The following ZMYM6 variants were observed in gnomAD, a reference collection of about 807,000 sequenced individuals.
ZMYM6 encodes zinc finger MYM-type protein 6.
ZMYM6 carries 90 observed loss-of-function variants against 134.0 expected under a neutral mutation model. That is an observed-to-expected ratio of 0.67 (90% CI 0.57 to 0.80). ZMYM6 has a LOEUF of 0.80. Ranked by LOEUF, ZMYM6 falls within the 30% of genes least tolerant of loss-of-function variation. The pLI, the probability that ZMYM6 is intolerant of heterozygous loss-of-function variation, is 0.00. For synonymous variants in ZMYM6, 481 were observed against 524.1 expected, an observed-to-expected ratio of 0.92 and a Z score of 1.12; for missense variants, 1,362 against 1,533.9, an observed-to-expected ratio of 0.89 and a Z score of 1.87.
At chr1:35,027,446 C>T (rs1177685884) in intron 2 of ZMYM6, among the ~76,000 whole-genome samples, 1 of 152,032 alleles carries the variant, frequency 6.6e-6, no homozygotes, top group Non-Finnish European at 1.5e-5. Flanking sequence ...TATAAAAGTC[C>T]AAATGAAAAA....
chr1:35,021,348 T>C (rs1641306339), intron 2 of ZMYM6, among the ~76,000 whole-genome samples: 1 of 152,074 alleles, frequency 6.6e-6, no homozygotes, highest in South Asian at 2.1e-4. Flanking sequence ...TTTTGCTATG[T>C]TAGCCAGGCT....
At chr1:34,995,007 A>G (rs1032565072) in intron 14 of ZMYM6, among the ~76,000 whole-genome samples, 7 of 114,670 alleles carry the variant, frequency 6.1e-5, no homozygotes, top group Non-Finnish European at 6.0e-5. Flanking sequence ...ATATGTATAC[A>G]TATATACTTA....
intron 12 of ZMYM6, among the ~76,000 whole-genome samples, chr1:35,005,921 C>G (rs948559554): frequency 6.6e-6 from 1 of 152,180 alleles, no homozygotes; most frequent in Non-Finnish European, 1.5e-5. Context: ...AATAAGACTG[C>G]AGAGGTAGGC....
chr1:34,999,995 C>G (rs1032779614), intron 14 of ZMYM6, among the ~76,000 whole-genome samples: 1 of 152,112 alleles, frequency 6.6e-6, no homozygotes, highest in Non-Finnish European at 1.5e-5. Flanking sequence ...ATGGTGTGAT[C>G]TCAGCTCACC....
At chr1:35,001,959 G>A in intron 14 of ZMYM6, among the ~76,000 whole-genome samples, 1 of 152,156 alleles carries the variant, frequency 6.6e-6, no homozygotes, top group East Asian at 1.9e-4. Flanking sequence ...AGGATTTCTT[G>A]GTATGCAGAC....
At chr1:34,998,097 GGT>G (rs1640814576) in intron 14 of ZMYM6, among the ~76,000 whole-genome samples, 1 of 152,050 alleles carries the variant, frequency 6.6e-6, no homozygotes, top group Non-Finnish European at 1.5e-5. Context: ...TGGCCAAGAT[GGT>G]GAAACCCTGT....
At chr1:35,026,839 C>CTAGG (rs1187824003) in intron 2 of ZMYM6, among the ~76,000 whole-genome samples, 4 of 152,070 alleles carry the variant, frequency 2.6e-5, no homozygotes, top group Non-Finnish European at 5.9e-5. Context: ...AAATCCTGTG[C>CTAGG]TAGGAATTGG....
chr1:35,015,002 G>C lies in ZMYM6; in HGVS notation c.589C>G (p.Gln197Glu), dbSNP rs147071748. 1 of 1,611,974 alleles carries C rather than the reference G, an allele frequency of 6.2e-7. No homozygotes were observed. Among genetic ancestry groups the C allele is most frequent in the East Asian group, 2.2e-5 (1 of 44,860 alleles). ...KSISTKCSMC[Q>E]KNADTRFEVK... Reference sequence around the variant, plus strand: ...ATGTAACTTACATCAGCATTCTTCTGACACATACTGCACTTAGTTGAAATG... The same window carrying C: ...ATGTAACTTACATCAGCATTCTTCTCACACATACTGCACTTAGTTGAAATG... Residue 197 changes from glutamine to glutamate, a missense_variant, in exon 5 of 16, where the codon CAG becomes GAG. By Grantham distance (29) the Gln-to-Glu change is conservative (BLOSUM62 2). Around this residue, in one of 3 missense-constraint regions of ZMYM6, gnomAD observed 503 missense variants for 520.8 expected, o/e 0.97. Transcript: ENST00000357182.
At chr1:35,015,743 A>AAAAAAAAAAAAAATATATATAT in intron 4 of ZMYM6, among the ~76,000 whole-genome samples, 5 of 106,466 alleles carry the variant, frequency 4.7e-5, no homozygotes, top group African/African-American at 3.3e-4. Flanking sequence ...AAAAAAAAAA[A>AAAAAAAAAAAAAATATATATAT]ATATATATAT....
rs781152063 is a variant in ZMYM6 at position 35,015,174 on chromosome 1, T to A, written c.429-12A>T. 6.4e-7 allele frequency: 1 copy of A among 1,572,094 alleles called. No individual in the cohort carries two copies. Among genetic ancestry groups the A allele is most frequent in the Admixed American group, 2.1e-5 (1 of 48,464 alleles). ...GATTTAAAATGTCTCTAAAAATAAA[T>A]AACAAAGGTAAAAATGAAATGTATT... On this transcript the variant is annotated splice_polypyrimidine_tract_variant and intron_variant, in intron 4 of 15. Coordinates refer to ENST00000357182, the MANE Select transcript of ZMYM6 (RefSeq NM_007167.4).
chr1:35,001,038 A>G (rs1640871226), intron 14 of ZMYM6, among the ~76,000 whole-genome samples: 1 of 152,202 alleles, frequency 6.6e-6, no homozygotes, highest in Non-Finnish European at 1.5e-5. Context: ...GCTTTTCACT[A>G]CAATGGCAGA....
At chr1:35,012,067 T>C (rs1216514249) in intron 7 of ZMYM6, 62 bp from the exon 8 acceptor site, 1 of 1,031,956 alleles carries the variant, frequency 9.7e-7, no homozygotes, top group Non-Finnish European at 1.4e-6. Context: ...AATACAAAAA[T>C]GTATTGGGAG....
chr1:34,991,743 C>A (rs975819167), intron 15 of ZMYM6, among the ~76,000 whole-genome samples: 1 of 152,036 alleles, frequency 6.6e-6, no homozygotes, highest in Non-Finnish European at 1.5e-5. Context: ...GCACTCCAGC[C>A]TGGGCAACAA....
rs139038334 is a variant in ZMYM6, at chr1:35,002,944, G to A, written c.1992+1024C>T. ...TCACAACAGCTTGGGAGGTTGAGGC[G>A]GGAGGATCACTTGAGGCTAGGAGTT... On this transcript the variant is annotated intron_variant, in intron 14 of 15. Transcript: ENST00000357182. 3.3e-3 allele frequency among the ~76,000 whole-genome samples: 496 copies of A among 152,118 alleles called. 6 individuals are homozygous for A. The highest frequency in any genetic ancestry group is 0.011 in the African/African-American group (446 of 41,502).
intron 6 of ZMYM6, 27 bp downstream of exon 6, chr1:35,014,670 G>C (rs1387640917): frequency 6.2e-7 from 1 of 1,603,040 alleles, no homozygotes; most frequent in East Asian, 2.2e-5. Context: ...GTGGGCCTAA[G>C]TACATGCAAC....
intron 4 of ZMYM6, among the ~76,000 whole-genome samples, chr1:35,017,008 A>G (rs1641213926): frequency 6.6e-6 from 1 of 152,010 alleles, no homozygotes; most frequent in Admixed American, 6.6e-5. Flanking sequence ...GTGTCTCAAA[A>G]AAAAAAAAAA....
chr1:34,994,927 CATAT>C (rs113400005), intron 14 of ZMYM6, among the ~76,000 whole-genome samples: 21 of 143,438 alleles, frequency 1.5e-4, no homozygotes, highest in African/African-American at 5.4e-4. Context: ...TATATATAGA[CATAT>C]ATATATATAT....
chr1:35,013,092 G>C, intron 6 of ZMYM6: 1 of 892,698 alleles, frequency 1.1e-6, no homozygotes, highest in Non-Finnish European at 1.3e-6. Flanking sequence ...GTTTATTCAT[G>C]TTTTAAGAAA....
rs558537580 is a variant in ZMYM6 at position 35,003,115 on chromosome 1, G to A, written c.1992+853C>T. On this transcript the variant is annotated intron_variant, in intron 14 of 15. Coordinates refer to ENST00000357182, the MANE Select transcript of ZMYM6 (RefSeq NM_007167.4). ...GGGGACTGCTTGAGCCCAGAATTTC[G>A]AGGTTGAGTGAGCTATGATCATGCC... 6.5e-4 allele frequency among the ~76,000 whole-genome samples: 97 copies of A among 149,282 alleles called. 3 individuals carry two copies. The Middle Eastern group carries it at 0.014, about 22-fold the overall frequency.
Sources: gnomAD v4.1 joint callset for allele counts (sites outside exome capture counted in the v4.1 genomes callset) on GRCh38, gnomAD v4.1.1 for gene constraint, gnomAD v4.1.1 regional missense constraint, MANE v1.5 for transcripts, NCBI Gene and HGNC (gene_info 2026-07-23, HGNC 2026-07-21) for gene names.